CTNNA2: variants seen among roughly 807,000 people sequenced by gnomAD.
The protein encoded by CTNNA2 is catenin alpha 2.
CTNNA2 carries 42 observed loss-of-function variants against 101.0 expected under a neutral mutation model. That is an observed-to-expected ratio of 0.42 (90% CI 0.32 to 0.54). The LOEUF (loss-of-function observed/expected upper bound fraction) is 0.54. Among genes scored for constraint, CTNNA2 ranks in the 20% least tolerant of loss-of-function variants. The pLI is 0.14. For missense variants in CTNNA2, 871 were observed against 1,223.1 expected (o/e 0.71, Z 4.29); for synonymous variants, 450 against 456.4 (o/e 0.99, Z 0.18).
At chr2:79,943,230 C>A (rs1486824268) in intron 7 of CTNNA2, among the ~76,000 whole-genome samples, 1 of 151,890 alleles carries the variant, frequency 6.6e-6, no homozygotes, top group Non-Finnish European at 1.5e-5. Flanking sequence ...AGGGGGAAGT[C>A]ATTCAGAACA....
intron 2 of CTNNA2, among the ~76,000 whole-genome samples, chr2:79,662,732 G>T (rs754767635): frequency 2.0e-5 from 3 of 152,128 alleles, no homozygotes; most frequent in Admixed American, 2.0e-4. Flanking sequence ...AGTAGGAAAG[G>T]TAAGCCCTAT....
intron 6 of CTNNA2, 114 bp downstream of exon 6, chr2:79,874,456 A>C (rs1185530775): frequency 8.1e-7 from 1 of 1,232,808 alleles, no homozygotes. Flanking sequence ...TCTCTTTTGG[A>C]GGTTTTAATA....
intron 2 of CTNNA2, among the ~76,000 whole-genome samples, chr2:79,219,536 A>G (rs1004781638): frequency 6.6e-6 from 1 of 152,170 alleles, no homozygotes; most frequent in Admixed American, 6.5e-5. Context: ...TTGTGAGGTT[A>G]AGGTCACTTT....
At chr2:80,422,434 A>G (rs1680613355) in intron 9 of CTNNA2, among the ~76,000 whole-genome samples, 1 of 59,520 alleles carries the variant, frequency 1.7e-5, no homozygotes, top group East Asian at 6.4e-4. Context: ...CAATACTTAT[A>G]GTTTGTTTTT....
chr2:79,253,333 C>A (rs879927570), intron 2 of CTNNA2, among the ~76,000 whole-genome samples: 5 of 152,178 alleles, frequency 3.3e-5, no homozygotes, highest in Non-Finnish European at 7.3e-5. Context: ...GAAAAACACA[C>A]AGGATTTTTA....
At chr2:79,553,556 G>A (rs995139407) in intron 1 of CTNNA2, among the ~76,000 whole-genome samples, 2 of 152,172 alleles carry the variant, frequency 1.3e-5, no homozygotes, top group African/African-American at 4.8e-5. Context: ...CATGAAGCAT[G>A]GCTGGAGGGG....
intron 7 of CTNNA2, among the ~76,000 whole-genome samples, chr2:80,159,587 C>T (rs1704187381): frequency 6.6e-6 from 1 of 152,318 alleles, no homozygotes; most frequent in Admixed American, 6.5e-5. Flanking sequence ...TCTAATTTCT[C>T]CTGCCTCAGC....
chr2:80,415,969 T>C (rs1409326991), intron 8 of CTNNA2, among the ~76,000 whole-genome samples: 1 of 152,124 alleles, frequency 6.6e-6, no homozygotes, highest in Non-Finnish European at 1.5e-5. Flanking sequence ...GCATCACTTA[T>C]ATATGGAACC....
At chr2:80,393,100 T>C in intron 7 of CTNNA2, 111 bp from the exon 8 acceptor site, 1 of 762,750 alleles carries the variant, frequency 1.3e-6, no homozygotes, top group Non-Finnish European at 2.1e-6. Flanking sequence ...AAATAATCTT[T>C]TTAAAAAATT....
chr2:79,633,203 A>G (rs937626543), intron 1 of CTNNA2, among the ~76,000 whole-genome samples: 2 of 152,210 alleles, frequency 1.3e-5, no homozygotes, highest in African/African-American at 2.4e-5. Flanking sequence ...TATGATTATC[A>G]TAAGAGACAT....
rs565822123 is a variant in CTNNA2 at position 79,370,007 on chromosome 2, C to A, written c.-317-3824C>A. Among the ~76,000 whole-genome samples the A allele has an allele frequency of 7.2e-4, 110 of 152,178 alleles. 1 individual carries two copies. Among genetic ancestry groups the A allele is most frequent in the African/African-American group, 2.5e-3 (103 of 41,494 alleles). On this transcript the variant is annotated intron_variant, in intron 3 of 21. Transcript: ENST00000466387. ...TTTACTACTGTCAATCTAATTCTGG[C>A]GAAGAGGAGGTGCTCAACTTTATGA... is the stretch of plus-strand genomic sequence containing the variant.
intron 7 of CTNNA2, among the ~76,000 whole-genome samples, chr2:80,231,165 G>A (rs770315363): frequency 2.2e-4 from 33 of 151,990 alleles, no homozygotes; most frequent in Non-Finnish European, 4.3e-4. Context: ...GTAGAGACAG[G>A]GTTTCACCAT....
intron 7 of CTNNA2, among the ~76,000 whole-genome samples, chr2:80,165,349 T>A (rs1412937646): frequency 6.6e-6 from 1 of 152,110 alleles, no homozygotes; most frequent in East Asian, 1.9e-4. Flanking sequence ...ATCTCTTCTA[T>A]TCTGCTATTA....
At chr2:79,337,957 T>C (rs1268804369) in intron 3 of CTNNA2, among the ~76,000 whole-genome samples, 1 of 151,910 alleles carries the variant, frequency 6.6e-6, no homozygotes, top group Non-Finnish European at 1.5e-5. Context: ...AAAACATTGG[T>C]AGTCAGGGCC....
chr2:79,763,971 C>A (rs1267150811), intron 3 of CTNNA2, among the ~76,000 whole-genome samples: 2 of 152,172 alleles, frequency 1.3e-5, no homozygotes, highest in East Asian at 3.9e-4. Context: ...AAGGCAACAG[C>A]CCACTCCATC....
At chr2:79,983,422 G>A (rs1401979088) in intron 7 of CTNNA2, among the ~76,000 whole-genome samples, 1 of 152,054 alleles carries the variant, frequency 6.6e-6, no homozygotes, top group African/African-American at 2.4e-5. Flanking sequence ...CTGACCCAGT[G>A]CGACAGTACA....
intron 16 of CTNNA2, among the ~76,000 whole-genome samples, chr2:80,604,692 T>C (rs757987067): frequency 6.6e-6 from 1 of 151,974 alleles, no homozygotes; most frequent in African/African-American, 2.4e-5. Flanking sequence ...ACATTTTAAC[T>C]GCCTGACAGA....
At chr2:80,059,626 C>T (rs941625609) in intron 7 of CTNNA2, among the ~76,000 whole-genome samples, 1 of 152,198 alleles carries the variant, frequency 6.6e-6, no homozygotes, top group African/African-American at 2.4e-5. Flanking sequence ...AGCCATTTCT[C>T]CCCATCAGCG....
intron 7 of CTNNA2, among the ~76,000 whole-genome samples, chr2:80,230,864 A>G (rs1379306998): frequency 2.0e-5 from 3 of 152,176 alleles, no homozygotes; most frequent in Non-Finnish European, 4.4e-5. Flanking sequence ...CTCATTCTTT[A>G]TGCTAGGTTG....
Sources: gnomAD v4.1 joint callset for allele counts (sites outside exome capture counted in the v4.1 genomes callset) on GRCh38, gnomAD v4.1.1 for gene constraint, MANE v1.5 for transcripts, NCBI Gene and HGNC (gene_info 2026-07-23, HGNC 2026-07-21) for gene names.